The following SYN2 variants were observed in gnomAD, a reference collection of about 807,000 sequenced individuals.
SYN2 encodes the protein synapsin-2.
SYN2 carries 19 observed loss-of-function variants against 50.9 expected under a neutral mutation model. The ratio of observed to expected loss-of-function variants is 0.37; its 90% CI spans 0.26 to 0.55. SYN2 has a LOEUF of 0.55. SYN2 is among the 20% of genes least tolerant of loss of function. The probability of loss-of-function intolerance (pLI) is 0.81; values close to 1 mark genes in which losing one functional copy is unlikely to be tolerated. For missense variants in SYN2, 587 were observed against 576.4 expected (o/e 1.02, Z -0.19); for synonymous variants, 255 against 224.9 (o/e 1.13, Z -1.20).
intron 1 of SYN2, among the ~76,000 whole-genome samples, chr3:12,050,501 A>G (rs1694832708): frequency 1.3e-5 from 2 of 151,566 alleles, no homozygotes; most frequent in Admixed American, 6.6e-5. Flanking sequence ...GTGTGCCACC[A>G]TGCCCAGCTA....
intron 1 of SYN2, among the ~76,000 whole-genome samples, chr3:12,089,222 G>T (rs1307801787): frequency 1.3e-5 from 2 of 152,140 alleles, no homozygotes; most frequent in Non-Finnish European, 2.9e-5. Context: ...CACATGGCTG[G>T]GGAGGCCTCA....
At chr3:12,139,238 C>G (rs556121071) in intron 1 of SYN2, among the ~76,000 whole-genome samples, 96 of 152,314 alleles carry the variant, frequency 6.3e-4, no homozygotes, top group African/African-American at 2.2e-3. Context: ...AGGAAACAGC[C>G]TGGCCTCGTC....
At chr3:12,028,347 T>A (rs982866071) in intron 1 of SYN2, among the ~76,000 whole-genome samples, 2 of 150,572 alleles carry the variant, frequency 1.3e-5, no homozygotes, top group African/African-American at 4.9e-5. Context: ...CGTGTGCATG[T>A]GTCTTTATAG....
rs980744637 is a variant in SYN2 at position 12,008,156 on chromosome 3, T to G, written c.377+3228T>G. ...TGTTATACTCTCACCAGCGAAGAGATACGTTTTCTCTCAGATTCTGTCCTG... is the reference window on the plus strand; with the variant it reads ...TGTTATACTCTCACCAGCGAAGAGAGACGTTTTCTCTCAGATTCTGTCCTG... On this transcript the variant is annotated intron_variant, in intron 1 of 12. Coordinates refer to ENST00000621198, the MANE Select transcript of SYN2 (RefSeq NM_133625.6). 1.9e-4 allele frequency among the ~76,000 whole-genome samples: 29 copies of G among 152,300 alleles called. No individual in the cohort carries two copies. The East Asian group carries it at 5.6e-3, about 29-fold the overall frequency.
At position 12,132,044 on chromosome 3, in the gene SYN2, C is replaced by CTTT. The variant is rs34414958; in HGVS notation, c.378-8598_378-8596dup. Among the ~76,000 whole-genome samples the CTTT allele has an allele frequency of 5.4e-4, 56 of 103,034 alleles. 3 individuals are homozygous for CTTT. Among genetic ancestry groups the CTTT allele is most frequent in the African/African-American group, 1.1e-3 (35 of 31,364 alleles). The allele number at this position is 103,034 out of a possible 152,430, so 67.6% of individuals were successfully genotyped here. On this transcript the variant is annotated intron_variant, in intron 1 of 12. Transcript: ENST00000621198. The stretch of plus-strand genomic sequence containing the variant: ...CTTTTTCTTTTTTTTCTTTTTTTTT[C>CTTT]TTTTTTTTTTTGAGACAGGGTTTCA...
chr3:12,058,111 T>A (rs575902046), intron 1 of SYN2, among the ~76,000 whole-genome samples: 1 of 152,354 alleles, frequency 6.6e-6, no homozygotes, highest in Non-Finnish European at 1.5e-5. Context: ...GTTTCTTACC[T>A]ACAATGTCTA....
intron 1 of SYN2, among the ~76,000 whole-genome samples, chr3:12,049,624 A>G (rs551683885): frequency 1.3e-5 from 2 of 152,342 alleles, no homozygotes; most frequent in South Asian, 4.1e-4. Flanking sequence ...ATAGGAAATG[A>G]TACAGTAAGT....
chr3:12,125,984 T>C (rs1696660112), intron 1 of SYN2, among the ~76,000 whole-genome samples: 1 of 152,184 alleles, frequency 6.6e-6, no homozygotes, highest in South Asian at 2.1e-4. Flanking sequence ...TTCCTACACA[T>C]GAATGACAGA....
chr3:12,037,378 T>TTTTTATC (rs1694521104), intron 1 of SYN2, among the ~76,000 whole-genome samples: 1 of 152,248 alleles, frequency 6.6e-6, no homozygotes, highest in Admixed American at 6.5e-5. Flanking sequence ...TTTGCACCAA[T>TTTTTATC]TTTTATCTCA....
At chr3:12,065,810 A>G (rs1026414377) in intron 1 of SYN2, among the ~76,000 whole-genome samples, 1 of 152,224 alleles carries the variant, frequency 6.6e-6, no homozygotes, top group African/African-American at 2.4e-5. Flanking sequence ...ATCATGCAAT[A>G]TACTCATGTA....
chr3:12,153,838 A>G, intron 5 of SYN2: 1 of 1,014,176 alleles, frequency 9.9e-7, no homozygotes, highest in Admixed American at 2.2e-5. Context: ...AGCCTTTCCC[A>G]GTCCCCAGTC....
At chr3:12,101,164 G>A (rs1194080271) in intron 1 of SYN2, among the ~76,000 whole-genome samples, 2 of 152,090 alleles carry the variant, frequency 1.3e-5, no homozygotes, top group African/African-American at 2.4e-5. Context: ...ATATATCCAC[G>A]CAAAAACTTG....
chr3:12,078,026 G>A (rs997388419), intron 1 of SYN2, among the ~76,000 whole-genome samples: 3 of 152,200 alleles, frequency 2.0e-5, no homozygotes, highest in African/African-American at 7.2e-5. Flanking sequence ...ACTGGTGTGA[G>A]ATGGTATCTC....
chr3:12,079,138 T>C (rs1695533188), intron 1 of SYN2, among the ~76,000 whole-genome samples: 2 of 152,214 alleles, frequency 1.3e-5, no homozygotes, highest in African/African-American at 4.8e-5. Context: ...CTTGAGACTT[T>C]TGCACATTGA....
chr3:12,048,366 C>T (rs1311138308), intron 1 of SYN2, among the ~76,000 whole-genome samples: 1 of 152,120 alleles, frequency 6.6e-6, no homozygotes, highest in Non-Finnish European at 1.5e-5. Flanking sequence ...CAGGGTTTTG[C>T]CATGTTGGCC....
At chr3:12,090,050 A>AT (rs1352971679) in intron 1 of SYN2, among the ~76,000 whole-genome samples, 2 of 152,332 alleles carry the variant, frequency 1.3e-5, no homozygotes, top group East Asian at 3.9e-4. Context: ...GACTAAAAGC[A>AT]TTTTAAGAGA....
At chr3:12,051,492 CTGCTGCCCCAG>C (rs1694864866) in intron 1 of SYN2, among the ~76,000 whole-genome samples, 1 of 152,224 alleles carries the variant, frequency 6.6e-6, no homozygotes, top group Non-Finnish European at 1.5e-5. Flanking sequence ...TCTCAAATTG[CTGCTGCCCCAG>C]TGCTGCCCCT....
intron 7 of SYN2, among the ~76,000 whole-genome samples, chr3:12,165,838 T>C (rs1474948990): frequency 3.9e-5 from 6 of 152,246 alleles, no homozygotes; most frequent in Non-Finnish European, 7.3e-5. Flanking sequence ...AGTAGTTTGT[T>C]TCTTTGCCTT....
At chr3:12,174,126 T>G (rs562297811) in intron 10 of SYN2, among the ~76,000 whole-genome samples, 2 of 152,054 alleles carry the variant, frequency 1.3e-5, no homozygotes, top group African/African-American at 4.8e-5. Flanking sequence ...CTGCTGAGTG[T>G]CTAAACATCA....
Sources: allele counts gnomAD v4.1 joint callset (sites outside exome capture counted in the v4.1 genomes callset), GRCh38; gene constraint gnomAD v4.1.1; transcripts MANE v1.5; gene names NCBI Gene and HGNC (gene_info 2026-07-23, HGNC 2026-07-21).